PDCD10: variants seen among roughly 807,000 people sequenced by gnomAD.
PDCD10 encodes the protein programmed cell death 10.
PDCD10 carries 4 observed loss-of-function variants against 29.2 expected under a neutral mutation model. The ratio of observed to expected loss-of-function variants is 0.14; its 90% CI spans 0.07 to 0.31. The LOEUF (loss-of-function observed/expected upper bound fraction) is 0.31, where lower values mean the gene tolerates loss of function less well. Ranked by LOEUF, PDCD10 falls within the 10% of genes least tolerant of loss-of-function variation. The pLI, the probability that PDCD10 is intolerant of heterozygous loss-of-function variation, is 1.00. For synonymous variants in PDCD10, 70 were observed against 82.2 expected (o/e 0.85, Z 0.80); for missense variants, 183 against 257.9 (o/e 0.71, Z 1.99).
intron 2 of PDCD10, among the ~76,000 whole-genome samples, chr3:167,726,373 A>C (rs1308558948): frequency 6.6e-6 from 1 of 152,142 alleles, no homozygotes; most frequent in Non-Finnish European, 1.5e-5. Flanking sequence ...TGCTGGGATT[A>C]CAGGCGTGAG....
Position 167,695,378 on chromosome 3 carries a change from T to G in PDCD10, c.395+218A>C, listed in dbSNP as rs3804609. On this transcript the variant is annotated intron_variant, in intron 6 of 8. Transcript: ENST00000392750. ...ATGTAGTTCAAACTACATTCCAGTT[T>G]ATGCACATTTCATTGTTGTTTTAAA... Among the ~76,000 whole-genome samples the G allele has an allele frequency of 7.9e-3, 1,209 of 152,078 alleles. 89 individuals carry two copies. In the East Asian group the frequency reaches 0.17, roughly 21 times the overall value.
intron 2 of PDCD10, chr3:167,725,508 C>T (rs1430965528): frequency 4.6e-5 from 7 of 151,716 alleles, no homozygotes; most frequent in Admixed American, 4.6e-4. Context: ...TAGGGTAAGT[C>T]AGTGATCCTA....
At chr3:167,708,499 T>C (rs761501771) in intron 3 of PDCD10, among the ~76,000 whole-genome samples, 2 of 152,246 alleles carry the variant, frequency 1.3e-5, no homozygotes, top group African/African-American at 2.4e-5. Flanking sequence ...AGTGAACAGA[T>C]TGTTGATCTT....
At position 167,706,500 on chromosome 3, in the gene PDCD10, TG is replaced by T. The variant is rs372340449; in HGVS notation, c.97-1606del. ...TCTAGGCTACAAACCTGATGTTTAC[TG>T]AACTACTATAGGCAACTGTAACACT... On this transcript the variant is annotated intron_variant, in intron 3 of 8. Transcript: ENST00000392750. Among the ~76,000 whole-genome samples, 22 of 152,368 alleles carry T rather than the reference TG, an allele frequency of 1.4e-4. No individual in the cohort carries two copies. The East Asian group carries it at 4.0e-3, about 28-fold the overall frequency.
intron 2 of PDCD10, among the ~76,000 whole-genome samples, chr3:167,728,146 A>C (rs1470909083): frequency 6.6e-6 from 1 of 152,132 alleles, no homozygotes. Context: ...AATAAGGTAG[A>C]ACCTTGGAAA....
chr3:167,692,577 T>C (rs1443162298), intron 6 of PDCD10, among the ~76,000 whole-genome samples: 1 of 152,148 alleles, frequency 6.6e-6, no homozygotes, highest in Non-Finnish European at 1.5e-5. Flanking sequence ...CCTTCACATA[T>C]TAAAAGTAGA....
intron 6 of PDCD10, among the ~76,000 whole-genome samples, chr3:167,689,416 T>C (rs1037881027): frequency 5.9e-5 from 9 of 152,230 alleles, no homozygotes; most frequent in Non-Finnish European, 1.0e-4. Flanking sequence ...GAAGTTTATA[T>C]AGTCTTACTT....
chr3:167,710,066 T>C (rs1340742181), intron 3 of PDCD10, among the ~76,000 whole-genome samples: 5 of 152,104 alleles, frequency 3.3e-5, no homozygotes, highest in Non-Finnish European at 7.4e-5. Context: ...ACTCGGGCCC[T>C]GAATAAACAA....
chr3:167,689,071 G>A (rs1719948497), intron 6 of PDCD10, among the ~76,000 whole-genome samples: 1 of 152,038 alleles, frequency 6.6e-6, no homozygotes, highest in African/African-American at 2.4e-5. Flanking sequence ...CACTGGTATT[G>A]GGCTGAAACA....
chr3:167,721,638 C>T (rs186038596), intron 2 of PDCD10, among the ~76,000 whole-genome samples: 6 of 152,248 alleles, frequency 3.9e-5, no homozygotes, highest in African/African-American at 9.6e-5. Context: ...TCCACCATAT[C>T]GCTACCAGTG....
At chr3:167,716,396 T>C (rs1304930739) in intron 3 of PDCD10, among the ~76,000 whole-genome samples, 1 of 151,826 alleles carries the variant, frequency 6.6e-6, no homozygotes, top group African/African-American at 2.4e-5. Context: ...CATTTTAAAA[T>C]AACTAAAAGA....
chr3:167,712,964 A>G (rs531920746), intron 3 of PDCD10, among the ~76,000 whole-genome samples: 2 of 152,154 alleles, frequency 1.3e-5, no homozygotes, highest in East Asian at 3.9e-4. Context: ...GGCAAATATT[A>G]TTAGAACTAA....
intron 2 of PDCD10, among the ~76,000 whole-genome samples, chr3:167,731,163 AT>A (rs1342410794): frequency 2.0e-5 from 3 of 152,170 alleles, no homozygotes; most frequent in African/African-American, 7.2e-5. Context: ...ATAAAACAGT[AT>A]TAATACTACT....
chr3:167,688,008 C>T (rs1221681782), intron 6 of PDCD10, among the ~76,000 whole-genome samples: 1 of 152,144 alleles, frequency 6.6e-6, no homozygotes, highest in Non-Finnish European at 1.5e-5. Flanking sequence ...AAAAGATAAA[C>T]ATTACCTATG....
chr3:167,691,661 A>G (rs749298950), intron 6 of PDCD10, among the ~76,000 whole-genome samples: 1 of 152,314 alleles, frequency 6.6e-6, no homozygotes, highest in Middle Eastern at 3.4e-3. Flanking sequence ...TTCAACCACA[A>G]TACTGTTATC....
intron 4 of PDCD10, among the ~76,000 whole-genome samples, chr3:167,701,116 C>T (rs1282913016): frequency 6.6e-6 from 1 of 152,046 alleles, no homozygotes; most frequent in Non-Finnish European, 1.5e-5. Context: ...TGTGGTTGTA[C>T]AAGAAGACCT....
chr3:167,694,523 C>G (rs1337712098), intron 6 of PDCD10: 2 of 154,478 alleles, frequency 1.3e-5, no homozygotes, highest in African/African-American at 4.8e-5. Flanking sequence ...TTCCTGCTAC[C>G]TTTTGGGGCT....
rs1719296252 is a variant in PDCD10, at chr3:167,683,844, T to TATATATATATATATATATATACACAC, written c.*463_*464insGTGTGTATATATATATATATATATAT. ...AAGTTGTCTTGGTCTTCTGTTCATA[T>TATATATATATATATATATATACACAC]ATATATATATATATATATATATACA... On this transcript the variant is annotated 3_prime_UTR_variant, in exon 9 of 9. Transcript: ENST00000392750. 1.4e-5 allele frequency: 2 copies of TATATATATATATATATATATACACAC among 144,848 alleles called. No homozygotes were observed. Among genetic ancestry groups the TATATATATATATATATATATACACAC allele is most frequent in the African/African-American group, 2.5e-5 (1 of 39,796 alleles). The allele number at this position is 144,848 out of a possible 1,614,324, so 9.0% of individuals were successfully genotyped here.
At chr3:167,715,313 T>C (rs775727493) in intron 3 of PDCD10, among the ~76,000 whole-genome samples, 81 of 152,028 alleles carry the variant, frequency 5.3e-4, no homozygotes, top group Non-Finnish European at 9.1e-4. Flanking sequence ...ATGAAACTAC[T>C]ACAGGAAAAC....
Sources: gnomAD v4.1 joint callset for allele counts (sites outside exome capture counted in the v4.1 genomes callset) on GRCh38, gnomAD v4.1.1 for gene constraint, MANE v1.5 for transcripts, NCBI Gene and HGNC (gene_info 2026-07-23, HGNC 2026-07-21) for gene names.